The following PDSS2 variants were observed in gnomAD, a reference collection of about 807,000 sequenced individuals.
PDSS2 encodes all trans-polyprenyl-diphosphate synthase PDSS2.
A neutral mutation model predicts 44.5 loss-of-function variants in PDSS2; 31 were observed. The observed-to-expected ratio is 0.70, with a 90% CI of 0.52 to 0.94. The LOEUF (loss-of-function observed/expected upper bound fraction) is 0.94. Ranked by LOEUF, PDSS2 falls within the 40% of genes least tolerant of loss-of-function variation. The pLI, the probability that PDSS2 is intolerant of heterozygous loss-of-function variation, is 0.00. For missense variants in PDSS2, 452 were observed against 482.2 expected (o/e 0.94, Z 0.59); for synonymous variants, 157 against 180.3 (o/e 0.87, Z 1.03).
chr6:107,340,041 A>G (rs1327500741), intron 1 of PDSS2, among the ~76,000 whole-genome samples: 1 of 151,172 alleles, frequency 6.6e-6, no homozygotes, highest in East Asian at 1.9e-4. Flanking sequence ...GTAATAGTCA[A>G]TAAAAAAAAA....
chr6:107,403,926 C>T (rs1055702764), intron 1 of PDSS2, among the ~76,000 whole-genome samples: 66 of 152,332 alleles, frequency 4.3e-4, no homozygotes, highest in African/African-American at 1.6e-3. Flanking sequence ...TAGCATTTGG[C>T]TTCTCATTAC....
chr6:107,436,788 C>G (rs1473560053), intron 1 of PDSS2, among the ~76,000 whole-genome samples: 1 of 152,250 alleles, frequency 6.6e-6, no homozygotes, highest in South Asian at 2.1e-4. Context: ...TTACCCTGAT[C>G]TGATCATCAT....
intron 7 of PDSS2, among the ~76,000 whole-genome samples, chr6:107,156,120 C>T (rs1770885034): frequency 6.6e-6 from 1 of 151,470 alleles, no homozygotes; most frequent in Admixed American, 6.6e-5. Context: ...CGTCTCCAGA[C>T]CTCAGGCAAT....
chr6:107,163,049 C>T (rs1464667803), intron 7 of PDSS2, among the ~76,000 whole-genome samples: 6 of 152,164 alleles, frequency 3.9e-5, no homozygotes, highest in African/African-American at 1.4e-4. Context: ...TGTTATGACA[C>T]TTTAATCTTT....
chr6:107,392,659 A>G (rs1175468272), intron 1 of PDSS2, among the ~76,000 whole-genome samples: 2 of 152,204 alleles, frequency 1.3e-5, no homozygotes, highest in Non-Finnish European at 2.9e-5. Context: ...ACTGTCTTCT[A>G]ACCGGTAGGT....
intron 4 of PDSS2, among the ~76,000 whole-genome samples, chr6:107,215,840 A>T (rs1023347901): frequency 2.0e-5 from 3 of 152,214 alleles, no homozygotes; most frequent in Non-Finnish European, 2.9e-5. Flanking sequence ...TAAAAGATTA[A>T]AAAACTGGGA....
chr6:107,407,834 G>A (rs1780369916), intron 1 of PDSS2, among the ~76,000 whole-genome samples: 1 of 151,824 alleles, frequency 6.6e-6, no homozygotes, highest in Admixed American at 6.6e-5. Context: ...CAAGTAGGTG[G>A]GATTACAGGT....
chr6:107,197,888 G>A (rs1772624260), intron 6 of PDSS2: 2 of 459,736 alleles, frequency 4.4e-6, no homozygotes, highest in African/African-American at 2.0e-5. Flanking sequence ...TTGAACTTCT[G>A]TACTTGAAGA....
At chr6:107,391,800 T>A (rs961977533) in intron 1 of PDSS2, among the ~76,000 whole-genome samples, 2 of 152,054 alleles carry the variant, frequency 1.3e-5, no homozygotes, top group African/African-American at 4.8e-5. Flanking sequence ...ATGTTTCTTA[T>A]GCGCCAGCAC....
At chr6:107,271,242 T>C (rs1277546467) in intron 3 of PDSS2, among the ~76,000 whole-genome samples, 1 of 152,128 alleles carries the variant, frequency 6.6e-6, no homozygotes, top group Admixed American at 6.5e-5. Context: ...ACATTCCTTA[T>C]TAACTTTCTT....
intron 1 of PDSS2, among the ~76,000 whole-genome samples, chr6:107,344,750 T>C (rs1349363494): frequency 1.3e-5 from 2 of 152,172 alleles, no homozygotes; most frequent in African/African-American, 2.4e-5. Flanking sequence ...ACTAGTTGTA[T>C]ACTGAAATAT....
At chr6:107,181,706 A>G (rs967220824) in intron 7 of PDSS2, among the ~76,000 whole-genome samples, 8 of 151,970 alleles carry the variant, frequency 5.3e-5, no homozygotes, top group Non-Finnish European at 1.2e-4. Context: ...CCTGGCCAAC[A>G]TGGTGAAACC....
chr6:107,269,235 T>C (rs1482128280), intron 3 of PDSS2, among the ~76,000 whole-genome samples: 2 of 152,174 alleles, frequency 1.3e-5, no homozygotes, highest in East Asian at 3.8e-4. Context: ...CAAATATTTT[T>C]ATAAGACAAA....
rs541077460 is a variant in PDSS2 at position 107,218,121 on chromosome 6, A to G, written c.703-5839T>C. Among the ~76,000 whole-genome samples the G allele has an allele frequency of 7.2e-5, 11 of 152,320 alleles. No homozygotes were observed. The East Asian group carries it at 1.9e-3, about 27-fold the overall frequency. On this transcript the variant is annotated intron_variant, in intron 4 of 7. Coordinates refer to ENST00000369037, the MANE Select transcript of PDSS2 (RefSeq NM_020381.4). The stretch of plus-strand genomic sequence containing the variant: ...CTTCTCTCTGTTCTTCAGACATACT[A>G]AAGACCATTTGGTCTGTGTGTACAC...
At chr6:107,247,047 G>A (rs1774644462) in intron 3 of PDSS2, among the ~76,000 whole-genome samples, 1 of 152,120 alleles carries the variant, frequency 6.6e-6, no homozygotes, top group Non-Finnish European at 1.5e-5. Context: ...TATCAGATAA[G>A]CCCTATTCCT....
chr6:107,409,498 T>G (rs1426339413), intron 1 of PDSS2, among the ~76,000 whole-genome samples: 3 of 151,928 alleles, frequency 2.0e-5, no homozygotes, highest in African/African-American at 7.3e-5. Flanking sequence ...AGTACAGGAG[T>G]GAAGCTATTT....
chr6:107,280,444 A>G (rs1275388222), intron 2 of PDSS2, among the ~76,000 whole-genome samples: 3 of 152,208 alleles, frequency 2.0e-5, no homozygotes, highest in African/African-American at 7.2e-5. Context: ...TAATTACCAT[A>G]TTGAAAGATT....
At chr6:107,194,638 G>T (rs1010776355) in intron 6 of PDSS2, among the ~76,000 whole-genome samples, 7 of 152,194 alleles carry the variant, frequency 4.6e-5, no homozygotes, top group African/African-American at 1.7e-4. Flanking sequence ...CAAAATGTCA[G>T]GCTGTTTCAC....
intron 3 of PDSS2, among the ~76,000 whole-genome samples, chr6:107,247,794 G>C (rs1417582066): frequency 6.9e-6 from 1 of 145,506 alleles, no homozygotes; most frequent in African/African-American, 2.5e-5. Context: ...CTGAGGTCAG[G>C]AGTTCGAGAC....
Sources: allele counts gnomAD v4.1 joint callset (sites outside exome capture counted in the v4.1 genomes callset), GRCh38; gene constraint gnomAD v4.1.1; transcripts MANE v1.5; gene names NCBI Gene and HGNC (gene_info 2026-07-23, HGNC 2026-07-21).